PPP2R2B: variants seen among roughly 807,000 people sequenced by gnomAD.
PPP2R2B encodes the protein serine/threonine-protein phosphatase 2A 55 kDa regulatory subunit B beta isoform.
PPP2R2B carries 5 observed loss-of-function variants against 46.0 expected under a neutral mutation model. That is an observed-to-expected ratio of 0.11 (90% confidence interval 0.06 to 0.23). The LOEUF is 0.23. Among genes scored for constraint, PPP2R2B ranks in the 10% least tolerant of loss-of-function variants. The pLI, the probability that PPP2R2B is intolerant of heterozygous loss-of-function variation, is 1.00. For missense variants in PPP2R2B, 367 were observed against 575.0 expected, an observed-to-expected ratio of 0.64 and a Z score of 3.70; for synonymous variants, 215 against 206.7, an observed-to-expected ratio of 1.04 and a Z score of -0.34.
At chr5:146,999,452 C>T (rs1754066743) in intron 1 of PPP2R2B, among the ~76,000 whole-genome samples, 1 of 152,146 alleles carries the variant, frequency 6.6e-6, no homozygotes, top group Non-Finnish European at 1.5e-5. Context: ...AATATCAATA[C>T]TCAAGGCCTA....
chr5:146,874,123 C>T (rs925554901), intron 2 of PPP2R2B, among the ~76,000 whole-genome samples: 4 of 152,226 alleles, frequency 2.6e-5, no homozygotes, highest in African/African-American at 7.2e-5. Flanking sequence ...CTTATGACCC[C>T]AAGGCATCTT....
At chr5:146,944,455 A>T (rs1236944089) in intron 1 of PPP2R2B, among the ~76,000 whole-genome samples, 2 of 152,226 alleles carry the variant, frequency 1.3e-5, no homozygotes, top group Admixed American at 1.3e-4. Context: ...CAGAGAAATC[A>T]CAAGATTAAA....
At position 146,585,369 on chromosome 5, in the gene PPP2R2B, T is replaced by G. The variant is rs575278856; in HGVS notation, c.*4578A>C. 6.6e-6 allele frequency: 1 copy of G among 152,162 alleles called. No homozygotes were observed. Among genetic ancestry groups the G allele is most frequent in the South Asian group, 2.1e-4 (1 of 4,830 alleles). The allele number at this position is 152,162 out of a possible 1,614,324, so 9.4% of individuals were successfully genotyped here. On this transcript the variant is annotated 3_prime_UTR_variant, in exon 10 of 10. Transcript: ENST00000394411. Reference sequence around the variant, plus strand: ...CTGCCTGGCTTTGTCACTTGTGAACTGTGTAAATTTGGTTGTCATTCATCT... The same window carrying G: ...CTGCCTGGCTTTGTCACTTGTGAACGGTGTAAATTTGGTTGTCATTCATCT...
rs558061606 is a variant in PPP2R2B at position 146,784,489 on chromosome 5, A to G, written c.71-83347T>C. 2.0e-5 allele frequency among the ~76,000 whole-genome samples: 3 copies of G among 152,246 alleles called. No individual in the cohort carries two copies. In the East Asian group the frequency reaches 5.8e-4, roughly 29 times the overall value. ...TATTAGATATTTTTACCCCACTACAATCTTATTTATCCTATTCACACCTTC... is the reference window on the plus strand; with the variant it reads ...TATTAGATATTTTTACCCCACTACAGTCTTATTTATCCTATTCACACCTTC... On this transcript the variant is annotated intron_variant, in intron 2 of 9. Coordinates refer to ENST00000394411, the MANE Select transcript of PPP2R2B (RefSeq NM_181675.4).
At chr5:146,744,467 A>G (rs1753056728) in intron 2 of PPP2R2B, among the ~76,000 whole-genome samples, 1 of 152,226 alleles carries the variant, frequency 6.6e-6, no homozygotes, top group Admixed American at 6.5e-5. Context: ...GTGACAACAC[A>G]CAGGCTGGGA....
upstream of PPP2R2B, among the ~76,000 whole-genome samples, chr5:146,880,416 T>A (rs976344576): frequency 1.6e-4 from 24 of 152,192 alleles, no homozygotes; most frequent in Non-Finnish European, 3.2e-4. Context: ...GCTGTATCTA[T>A]CACCGAGGTT....
At chr5:146,933,046 T>C (rs2151823265) in intron 1 of PPP2R2B, among the ~76,000 whole-genome samples, 1 of 152,308 alleles carries the variant, frequency 6.6e-6, no homozygotes, top group African/African-American at 2.4e-5. Flanking sequence ...AATTATATCA[T>C]ATGCTGTTTT....
intron 2 of PPP2R2B, among the ~76,000 whole-genome samples, chr5:146,835,573 G>A (rs1177186374): frequency 1.3e-5 from 2 of 152,106 alleles, no homozygotes; most frequent in Admixed American, 6.6e-5. Context: ...CAGAGAATTA[G>A]AACACTGCAT....
At chr5:146,637,139 A>C (rs557845815) in intron 7 of PPP2R2B, among the ~76,000 whole-genome samples, 102 of 152,304 alleles carry the variant, frequency 6.7e-4, no homozygotes, top group African/African-American at 2.3e-3. Flanking sequence ...AAATTCCTTG[A>C]GTATAGGAGA....
At chr5:146,965,851 G>A (rs1284170875) in intron 1 of PPP2R2B, among the ~76,000 whole-genome samples, 1 of 152,178 alleles carries the variant, frequency 6.6e-6, no homozygotes, top group African/African-American at 2.4e-5. Flanking sequence ...ACCCAGCACT[G>A]TTACTTACCA....
At chr5:146,977,358 A>G (rs1308687092) in intron 1 of PPP2R2B, among the ~76,000 whole-genome samples, 2 of 152,006 alleles carry the variant, frequency 1.3e-5, no homozygotes, top group Non-Finnish European at 2.9e-5. Context: ...TCTCCTGTGT[A>G]ACAGTCTCTT....
intron 1 of PPP2R2B, among the ~76,000 whole-genome samples, chr5:147,011,226 T>C (rs983663974): frequency 6.6e-6 from 1 of 152,168 alleles, no homozygotes; most frequent in South Asian, 2.1e-4. Flanking sequence ...TATTTTCTCA[T>C]CTACTCCATG....
chr5:146,823,940 G>T (rs1754326296), intron 2 of PPP2R2B, among the ~76,000 whole-genome samples: 1 of 152,118 alleles, frequency 6.6e-6, no homozygotes, highest in East Asian at 1.9e-4. Flanking sequence ...CCATCTGAAA[G>T]CTTAGGGGTA....
rs190455968 is a variant in PPP2R2B, at chr5:146,874,285, C to T, written c.70+3717G>A. On this transcript the variant is annotated intron_variant, in intron 2 of 9. Transcript: ENST00000394411. ...AACATCCCGTATCACCTCTGCAAAA[C>T]GTCAGTATTTGTTGAAGGAATTAAA... Among the ~76,000 whole-genome samples, 7 of 152,272 alleles carry T rather than the reference C, an allele frequency of 4.6e-5. No individual in the cohort carries two copies. In the East Asian group the frequency reaches 7.7e-4, roughly 17 times the overall value.
intron 2 of PPP2R2B, among the ~76,000 whole-genome samples, chr5:146,779,226 T>C (rs902964478): frequency 7.2e-5 from 11 of 152,202 alleles, no homozygotes; most frequent in Non-Finnish European, 1.5e-4. Context: ...CTCTTCACTT[T>C]GGTCTTTTAA....
At chr5:146,757,189 G>C (rs1365769981) in intron 2 of PPP2R2B, among the ~76,000 whole-genome samples, 5 of 152,080 alleles carry the variant, frequency 3.3e-5, no homozygotes, top group African/African-American at 1.2e-4. Flanking sequence ...GAGGGAGGGA[G>C]GTAGGCAGGT....
rs1769899628 is a variant in PPP2R2B at position 146,581,632 on chromosome 5, C to T, written c.*8315G>A. On this transcript the variant is annotated 3_prime_UTR_variant, in exon 10 of 10. Coordinates refer to ENST00000394411, the MANE Select transcript of PPP2R2B (RefSeq NM_181675.4). ...TTTAAATAAATGCACCATTGACCAC[C>T]TTCTGCCTTTTTCCTGTTAGAGTCC... 6.6e-6 allele frequency: 1 copy of T among 152,180 alleles called. No individual in the cohort carries two copies. The highest frequency in any genetic ancestry group is 6.5e-5 in the Admixed American group (1 of 15,284). The allele number at this position is 152,180 out of a possible 1,614,324, so 9.4% of individuals were successfully genotyped here. A position where few individuals can be genotyped will look rare whatever the true frequency, so the allele number is the denominator to read the frequency against.
At chr5:146,797,059 C>T (rs1202937574) in intron 2 of PPP2R2B, among the ~76,000 whole-genome samples, 1 of 152,154 alleles carries the variant, frequency 6.6e-6, no homozygotes, top group Non-Finnish European at 1.5e-5. Context: ...TCTCAACGTT[C>T]CCACTGTGTT....
chr5:147,014,341 A>T (rs1293375738), intron 1 of PPP2R2B, among the ~76,000 whole-genome samples: 1 of 149,512 alleles, frequency 6.7e-6, no homozygotes, highest in Non-Finnish European at 1.5e-5. Context: ...TTCCTCAGGG[A>T]TCTAGAACTG....
Sources: gnomAD v4.1 joint callset for allele counts (sites outside exome capture counted in the v4.1 genomes callset) on GRCh38, gnomAD v4.1.1 for gene constraint, MANE v1.5 for transcripts, NCBI Gene and HGNC (gene_info 2026-07-23, HGNC 2026-07-21) for gene names.